The following ZC3H8 variants were observed in gnomAD, a reference collection of about 807,000 sequenced individuals.
ZC3H8 encodes the protein zinc finger CCCH domain-containing protein 8.
In ZC3H8, 27 loss-of-function variants were observed where a neutral mutation model predicts 42.5. The observed-to-expected ratio is 0.64, with a 90% CI of 0.47 to 0.88. ZC3H8 has a LOEUF of 0.88. Among genes scored for constraint, ZC3H8 ranks in the 40% least tolerant of loss-of-function variants. The pLI is 0.00. For synonymous variants in ZC3H8, 101 were observed against 110.1 expected, an observed-to-expected ratio of 0.92 and a Z score of 0.52; for missense variants, 277 against 336.1, an observed-to-expected ratio of 0.82 and a Z score of 1.37.
chr2:112,254,882 CA>C (rs771255408), intron 1 of ZC3H8, 25 bp downstream of exon 1: 2 of 1,611,412 alleles, frequency 1.2e-6, no homozygotes, highest in South Asian at 1.1e-5. Flanking sequence ...CCCCTGCATT[CA>C]AAAGATGAAA....
At chr2:112,221,552 T>C (rs1573884205) in intron 8 of ZC3H8, among the ~76,000 whole-genome samples, 1 of 152,184 alleles carries the variant, frequency 6.6e-6, no homozygotes, top group East Asian at 1.9e-4. Context: ...AACGAACTAA[T>C]ACAGTCTTCT....
chr2:112,219,015 T>C (rs1319037516), intron 8 of ZC3H8, among the ~76,000 whole-genome samples: 1 of 152,214 alleles, frequency 6.6e-6, no homozygotes, highest in Non-Finnish European at 1.5e-5. Flanking sequence ...TGTTAAGATG[T>C]TATTACTACC....
intron 2 of ZC3H8, among the ~76,000 whole-genome samples, chr2:112,240,195 C>G (rs1685521283): frequency 6.6e-6 from 1 of 152,200 alleles, no homozygotes; most frequent in African/African-American, 2.4e-5. Context: ...GGCAAATTTT[C>G]AGCTTCACCA....
intron 2 of ZC3H8, among the ~76,000 whole-genome samples, chr2:112,241,555 T>C (rs376553386): frequency 2.9e-4 from 44 of 152,300 alleles, no homozygotes; most frequent in African/African-American, 9.4e-4. Flanking sequence ...AACCTCCAAA[T>C]TGACATTTGG....
At position 112,236,616 on chromosome 2, in the gene ZC3H8, G is replaced by C; in HGVS notation, c.450C>G (p.Gly150=). The change falls in exon 4 of 9, where the codon GGC becomes GGG. Residue 150 remains glycine (G), a synonymous_variant. Coordinates refer to ENST00000409573, the MANE Select transcript of ZC3H8 (RefSeq NM_032494.3). ...KQKKMKRKWP[G]PGNKGSNALL... ...AAGCATTTGATCCTTTGTTTCCAGG[G>C]CCAGGCCATTTTCGCTTCATTTTCT... The C allele has an allele frequency of 6.2e-7, 1 of 1,613,950 alleles. No homozygotes were observed. Among genetic ancestry groups the C allele is most frequent in the South Asian group, 1.1e-5 (1 of 91,082 alleles).
chr2:112,231,385 T>C (rs1045740578), intron 7 of ZC3H8, among the ~76,000 whole-genome samples: 15 of 152,316 alleles, frequency 9.8e-5, no homozygotes, highest in African/African-American at 3.6e-4. Context: ...TACAAATGAC[T>C]GTAACTTTTC....
intron 8 of ZC3H8, among the ~76,000 whole-genome samples, chr2:112,217,978 G>A (rs1334043660): frequency 6.6e-6 from 1 of 151,990 alleles, no homozygotes; most frequent in Non-Finnish European, 1.5e-5. Context: ...TGTTACCCAG[G>A]CTGGACCTGA....
intron 2 of ZC3H8, among the ~76,000 whole-genome samples, chr2:112,244,772 G>A (rs1685701180): frequency 6.6e-6 from 1 of 152,186 alleles, no homozygotes; most frequent in Non-Finnish European, 1.5e-5. Context: ...GCCCACATAA[G>A]ATGGCGAACT....
At chr2:112,231,231 G>C (rs1239750574) in intron 7 of ZC3H8, among the ~76,000 whole-genome samples, 3 of 151,996 alleles carry the variant, frequency 2.0e-5, no homozygotes, top group African/African-American at 7.2e-5. Flanking sequence ...AAGCACCTTT[G>C]ACTTTGTAAT....
intron 2 of ZC3H8, among the ~76,000 whole-genome samples, chr2:112,246,525 T>G (rs1157209933): frequency 1.3e-5 from 2 of 152,082 alleles, no homozygotes; most frequent in Non-Finnish European, 2.9e-5. Context: ...AGGGATGACT[T>G]TGAGGAGTTC....
At position 112,254,626 on chromosome 2, in the gene ZC3H8, A is replaced by T. The variant is rs533871164; in HGVS notation, c.74+282T>A. Among the ~76,000 whole-genome samples the T allele has an allele frequency of 3.7e-4, 56 of 152,336 alleles. No homozygotes were observed. The South Asian group carries it at 0.011, about 30-fold the overall frequency. On this transcript the variant is annotated intron_variant, in intron 1 of 8. Coordinates refer to ENST00000409573, the MANE Select transcript of ZC3H8 (RefSeq NM_032494.3). The stretch of plus-strand genomic sequence containing the variant: ...CGCTGCTGTGCAGAGAAAGGGGCGC[A>T]TCCCGGAGCCTTCTCGCCTCCACCC...
At chr2:112,224,513 T>C (rs1365768282) in intron 8 of ZC3H8, among the ~76,000 whole-genome samples, 1 of 152,226 alleles carries the variant, frequency 6.6e-6, no homozygotes, top group Non-Finnish European at 1.5e-5. Context: ...TACACTATCA[T>C]TGCTTTATTT....
At chr2:112,240,952 AGTGTGTGTGTGTGTGTGT>A (rs67273091) in intron 2 of ZC3H8, among the ~76,000 whole-genome samples, 15 of 142,714 alleles carry the variant, frequency 1.1e-4, no homozygotes, top group African/African-American at 2.6e-4. Context: ...TACAGGTAAC[AGTGTGTGTGTGTGTGTGT>A]GTGTGTGTGT....
intron 1 of ZC3H8, 94 bp from the exon 2 acceptor site, chr2:112,250,366 A>C: frequency 1.3e-6 from 1 of 772,818 alleles, no homozygotes; most frequent in East Asian, 3.2e-5. Context: ...CTTGTCTTCA[A>C]CTTACCCTCA....
Position 112,212,965 on chromosome 2 carries a change from C to CTGTTTTTTTTTTTTTTTTTTTTTT in ZC3H8, c.*3518_*3519insAAAAAAAAAAAAAAAAAAAAAACA, listed in dbSNP as rs1684188166. 1 of 84,918 alleles carries CTGTTTTTTTTTTTTTTTTTTTTTT rather than the reference C, an allele frequency of 1.2e-5. No homozygotes were observed. Among genetic ancestry groups the CTGTTTTTTTTTTTTTTTTTTTTTT allele is most frequent in the Non-Finnish European group, 2.3e-5 (1 of 43,280 alleles). The allele number at this position is 84,918 out of a possible 1,614,324, so 5.3% of individuals were successfully genotyped here. On this transcript the variant is annotated 3_prime_UTR_variant, in exon 9 of 9. Transcript: ENST00000409573. ...CAGCAAGCACAACTCAGAAGAAATG[C>CTGTTTTTTTTTTTTTTTTTTTTTT]TTTTTTTTTTTTTTTTTTTTTTTAT...
At chr2:112,218,228 TTAA>T (rs758137621) in intron 8 of ZC3H8, among the ~76,000 whole-genome samples, 1 of 152,194 alleles carries the variant, frequency 6.6e-6, no homozygotes, top group African/African-American at 2.4e-5. Context: ...TTTAATAACA[TTAA>T]TAATTGTTAC....
intron 8 of ZC3H8, among the ~76,000 whole-genome samples, chr2:112,226,448 G>A (rs1016488205): frequency 6.6e-6 from 1 of 151,874 alleles, no homozygotes; most frequent in African/African-American, 2.4e-5. Context: ...AATTAGCCAG[G>A]TGAGGTGGCG....
chr2:112,255,027 A>G lies in ZC3H8; in HGVS notation c.-46T>C, dbSNP rs1414926407. On this transcript the variant is annotated 5_prime_UTR_variant, in exon 1 of 9. Coordinates refer to ENST00000409573, the MANE Select transcript of ZC3H8 (RefSeq NM_032494.3). Reference sequence around the variant, plus strand: ...TTCGCGAGCCGGGAAGCTACAGAGTAACAACCCGAGAGAGTGACAACCCGG... The same window carrying G: ...TTCGCGAGCCGGGAAGCTACAGAGTGACAACCCGAGAGAGTGACAACCCGG... 6.4e-7 allele frequency: 1 copy of G among 1,559,820 alleles called. No individual in the cohort carries two copies. Among genetic ancestry groups the G allele is most frequent in the Admixed American group, 1.9e-5 (1 of 52,276 alleles).
At chr2:112,247,524 A>C (rs1441666280) in intron 2 of ZC3H8, among the ~76,000 whole-genome samples, 1 of 152,228 alleles carries the variant, frequency 6.6e-6, no homozygotes, top group Non-Finnish European at 1.5e-5. Context: ...GGTTGCAGTG[A>C]GCCAAGATTT....
Sources: allele counts gnomAD v4.1 joint callset (sites outside exome capture counted in the v4.1 genomes callset), GRCh38; gene constraint gnomAD v4.1.1; transcripts MANE v1.5; gene names NCBI Gene and HGNC (gene_info 2026-07-23, HGNC 2026-07-21).